Variants in LIFR observed in about 807,000 individuals in gnomAD.
The protein encoded by LIFR is leukemia inhibitory factor receptor.
A neutral mutation model predicts 122.2 loss-of-function variants in LIFR; 84 were observed. The ratio of observed to expected loss-of-function variants is 0.69; its 90% CI spans 0.58 to 0.82. LIFR has a LOEUF of 0.82. LIFR is among the 40% of genes least tolerant of loss of function. The pLI is 0.00. For missense variants in LIFR, 1,294 were observed against 1,311.6 expected, an observed-to-expected ratio of 0.99 and a Z score of 0.21; for synonymous variants, 422 against 434.7, an observed-to-expected ratio of 0.97 and a Z score of 0.36.
At chr5:38,564,002 C>T (rs1748924301) in intron 1 of LIFR, among the ~76,000 whole-genome samples, 1 of 152,158 alleles carries the variant, frequency 6.6e-6, no homozygotes, top group Admixed American at 6.5e-5. Flanking sequence ...CTCTTCTCAA[C>T]CCAAAGGACA....
intron 1 of LIFR, among the ~76,000 whole-genome samples, chr5:38,546,247 T>C (rs1307299216): frequency 6.6e-6 from 1 of 152,168 alleles, no homozygotes; most frequent in Non-Finnish European, 1.5e-5. Context: ...TGAAGAAACA[T>C]ATATACGCCA....
rs768761408 is a variant in LIFR at position 38,481,672 on chromosome 5, T to C, written c.3217A>G (p.Lys1073Glu). ...TTAGATTTAGGAGAGTCTTCATCTTTAGGAGGAATCAAAAATTGTCGGGAA... is the reference window on the plus strand; with the variant it reads ...TTAGATTTAGGAGAGTCTTCATCTTCAGGAGGAATCAAAAATTGTCGGGAA... The part of the protein sequence containing the change: ...INSRQFLIPP[K>E]DEDSPKSNGG... The change falls in exon 20 of 20, where the codon AAA becomes GAA. Residue 1073 changes from lysine (K) to glutamate (E), a missense_variant. Coordinates refer to ENST00000453190, the MANE Select transcript of LIFR (RefSeq NM_001127671.2). 9.3e-6 allele frequency: 15 copies of C among 1,613,996 alleles called. No individual in the cohort carries two copies. In the East Asian group the frequency reaches 2.7e-4, roughly 29 times the overall value.
chr5:38,562,476 GCCCATCGTACAT>G (rs1179561134), intron 1 of LIFR, among the ~76,000 whole-genome samples: 2 of 152,140 alleles, frequency 1.3e-5, no homozygotes, highest in African/African-American at 2.4e-5. Flanking sequence ...CTTTCTTATA[GCCCATCGTACAT>G]CCAGAATACT....
intron 13 of LIFR, among the ~76,000 whole-genome samples, chr5:38,494,806 C>T (rs575837313): frequency 7.2e-5 from 11 of 152,226 alleles, no homozygotes; most frequent in African/African-American, 2.6e-4. Flanking sequence ...CGGGATGCAG[C>T]CATGGGAGAG....
chr5:38,489,046 A>T, intron 16 of LIFR, 32 bp downstream of exon 16: 1 of 1,591,172 alleles, frequency 6.3e-7, no homozygotes, highest in South Asian at 1.1e-5. Flanking sequence ...AACTTCTAAG[A>T]AACACTTTCC....
At chr5:38,531,355 C>T (rs148000234) in intron 1 of LIFR, among the ~76,000 whole-genome samples, 1 of 152,136 alleles carries the variant, frequency 6.6e-6, no homozygotes, top group East Asian at 1.9e-4. Context: ...AACATTGGCA[C>T]AGGGCACCAA....
chr5:38,545,710 A>G (rs1379407372), intron 1 of LIFR, among the ~76,000 whole-genome samples: 1 of 151,756 alleles, frequency 6.6e-6, no homozygotes, highest in Non-Finnish European at 1.5e-5. Flanking sequence ...AAAATTCAAA[A>G]AATTCGCGGG....
In LIFR at chr5:38,520,413, G is replaced by A. The variant is rs1053944457; in HGVS notation, c.561+3006C>T. On this transcript the variant is annotated intron_variant, in intron 5 of 19. Coordinates refer to ENST00000453190, the MANE Select transcript of LIFR (RefSeq NM_001127671.2). Reference sequence around the variant, plus strand: ...TGGAAATGTTTTCTCCCATTCAACCGTCTCTTCACTCCACTGTTTCCACTG... The same window carrying A: ...TGGAAATGTTTTCTCCCATTCAACCATCTCTTCACTCCACTGTTTCCACTG... Among the ~76,000 whole-genome samples the A allele has an allele frequency of 2.0e-5, 3 of 152,238 alleles. No homozygotes were observed. In the South Asian group the frequency reaches 6.2e-4, roughly 32 times the overall value.
At chr5:38,539,136 A>AT (rs373889220) in intron 1 of LIFR, among the ~76,000 whole-genome samples, 8 of 151,770 alleles carry the variant, frequency 5.3e-5, no homozygotes, top group African/African-American at 1.9e-4. Flanking sequence ...AATTTTTTGT[A>AT]TTTTTTAGGA....
chr5:38,476,634 C>T lies in LIFR; in HGVS notation c.*4961G>A. 1 of 204,736 alleles carries T rather than the reference C, an allele frequency of 4.9e-6. No homozygotes were observed. The highest frequency in any genetic ancestry group is 1.0e-5 in the Non-Finnish European group (1 of 100,376). 12.7% of individuals were successfully genotyped at this position (204,736 alleles called of 1,614,324 possible). On this transcript the variant is annotated 3_prime_UTR_variant, in exon 20 of 20. Transcript: ENST00000453190. ...AATTAGACATTTTCCCCACTCACAT[C>T]TCTTAGTTTTTAGGGTATTCAGTCC...
At chr5:38,493,284 G>C (rs1248744372) in intron 14 of LIFR, among the ~76,000 whole-genome samples, 1 of 151,876 alleles carries the variant, frequency 6.6e-6, no homozygotes, top group Non-Finnish European at 1.5e-5. Context: ...CCATTTTATA[G>C]GTGTACCATC....
rs144557216 is a variant in LIFR, at chr5:38,532,790, T to C, written c.-19-2124A>G. Among the ~76,000 whole-genome samples, 171 of 152,354 alleles carry C rather than the reference T, an allele frequency of 1.1e-3. 2 individuals are homozygous for C. The highest frequency in any genetic ancestry group is 4.0e-3 in the African/African-American group (166 of 41,592). ...AATACATGAACAGAGCCTTCCGAAG[T>C]ACTTTCAGAAAAAAAGTGATGCTTG... On this transcript the variant is annotated intron_variant, in intron 1 of 19. Coordinates refer to ENST00000453190, the MANE Select transcript of LIFR (RefSeq NM_001127671.2).
intron 1 of LIFR, among the ~76,000 whole-genome samples, chr5:38,555,260 G>A (rs1016611232): frequency 6.6e-6 from 1 of 152,118 alleles, no homozygotes; most frequent in Non-Finnish European, 1.5e-5. Context: ...AAACTCTCTG[G>A]TAACAGTGAA....
chr5:38,501,549 C>T (rs1429520644), intron 11 of LIFR, among the ~76,000 whole-genome samples: 1 of 152,056 alleles, frequency 6.6e-6, no homozygotes, highest in Non-Finnish European at 1.5e-5. Flanking sequence ...GTCAGGAGTT[C>T]GAGACCAGCC....
chr5:38,566,618 C>T (rs1447780956), intron 1 of LIFR, among the ~76,000 whole-genome samples: 1 of 152,112 alleles, frequency 6.6e-6, no homozygotes, highest in African/African-American at 2.4e-5. Context: ...AAGTCACAGG[C>T]CTTTTTAGAA....
intron 1 of LIFR, among the ~76,000 whole-genome samples, chr5:38,569,565 T>C (rs113019136): frequency 0.022 from 3,359 of 152,260 alleles, 123 homozygotes; most frequent in African/African-American, 0.076. Flanking sequence ...CCCGATGTGA[T>C]CTGAGGTGGA....
intron 5 of LIFR, among the ~76,000 whole-genome samples, chr5:38,520,426 A>G (rs1746340984): frequency 6.6e-6 from 1 of 152,230 alleles, no homozygotes; most frequent in African/African-American, 2.4e-5. Context: ...TCTTCACTCC[A>G]CTGTTTCCAC....
chr5:38,532,752 T>C (rs893178696), intron 1 of LIFR, among the ~76,000 whole-genome samples: 1 of 152,244 alleles, frequency 6.6e-6, no homozygotes, highest in African/African-American at 2.4e-5. Flanking sequence ...ATGGACTTAC[T>C]GTGGGCCAGA....
chr5:38,579,154 A>G (rs1449925759), intron 1 of LIFR: 1 of 152,256 alleles, frequency 6.6e-6, no homozygotes, highest in Non-Finnish European at 1.5e-5. Flanking sequence ...AGGACTCTCC[A>G]GAACTCTAAG....
Sources: gnomAD v4.1 joint callset for allele counts (sites outside exome capture counted in the v4.1 genomes callset) on GRCh38, gnomAD v4.1.1 for gene constraint, MANE v1.5 for transcripts, NCBI Gene and HGNC (gene_info 2026-07-23, HGNC 2026-07-21) for gene names.